Variants in LSAMP observed in about 807,000 individuals in gnomAD.
LSAMP encodes the protein limbic system-associated membrane protein.
LSAMP carries 7 observed loss-of-function variants against 38.6 expected under a neutral mutation model. That is an observed-to-expected ratio of 0.18 (90% CI 0.10 to 0.34). The LOEUF (loss-of-function observed/expected upper bound fraction) is 0.34. Ranked by LOEUF, LSAMP falls within the 10% of genes least tolerant of loss-of-function variation. LSAMP has a pLI of 1.00. For synonymous variants in LSAMP, 154 were observed against 166.8 expected, an observed-to-expected ratio of 0.92 and a Z score of 0.59; for missense variants, 313 against 420.0, an observed-to-expected ratio of 0.75 and a Z score of 2.23.
intron 3 of LSAMP, among the ~76,000 whole-genome samples, chr3:115,913,806 T>C (rs568550090): frequency 3.3e-5 from 5 of 152,254 alleles, no homozygotes; most frequent in Non-Finnish European, 7.4e-5. Flanking sequence ...GTCTTTTTCA[T>C]GCATGTGTCC....
At chr3:116,092,820 C>T (rs1411860388) in intron 1 of LSAMP, among the ~76,000 whole-genome samples, 1 of 152,120 alleles carries the variant, frequency 6.6e-6, no homozygotes, top group Non-Finnish European at 1.5e-5. Flanking sequence ...AGCATATGTA[C>T]TGACAAGATA....
intron 1 of LSAMP, among the ~76,000 whole-genome samples, chr3:116,169,659 G>T (rs1422008148): frequency 6.6e-6 from 1 of 152,124 alleles, no homozygotes; most frequent in African/African-American, 2.4e-5. Context: ...TAAAAATTAA[G>T]CTCATTTTAT....
intron 3 of LSAMP, among the ~76,000 whole-genome samples, chr3:115,906,765 T>A (rs1937017067): frequency 6.6e-6 from 1 of 152,182 alleles, no homozygotes; most frequent in Admixed American, 6.6e-5. Flanking sequence ...TGTTTCTTAT[T>A]TTTAAGACAT....
chr3:116,098,883 C>T (rs1187655813), intron 1 of LSAMP, among the ~76,000 whole-genome samples: 1 of 152,190 alleles, frequency 6.6e-6, no homozygotes, highest in Non-Finnish European at 1.5e-5. Flanking sequence ...AAAGCAAGAG[C>T]TGATGAGTTT....
intron 1 of LSAMP, among the ~76,000 whole-genome samples, chr3:116,403,641 G>C (rs1481554603): frequency 6.6e-6 from 1 of 151,940 alleles, no homozygotes; most frequent in Non-Finnish European, 1.5e-5. Flanking sequence ...AATACATATG[G>C]GTTTATTATT....
At chr3:116,035,036 G>C (rs969593350) in intron 2 of LSAMP, among the ~76,000 whole-genome samples, 2 of 152,142 alleles carry the variant, frequency 1.3e-5, no homozygotes, top group Non-Finnish European at 2.9e-5. Context: ...TCAGCTATAA[G>C]CCAGCTGGTG....
rs759022817 is a variant in LSAMP, at chr3:116,086,428, C to T, written c.284G>A (p.Ser95Asn). Residue 95 changes from serine (S) to asparagine (N), a missense_variant, in exon 2 of 7, where the codon AGC (serine) becomes AAC (asparagine). Coordinates refer to ENST00000490035, the MANE Select transcript of LSAMP (RefSeq NM_002338.5). ...ELEKRHSLEYSLRIQKVDVYD... is the reference protein window; with the variant it reads ...ELEKRHSLEYNLRIQKVDVYD... ...GACATCCACCTTCTGGATTCGGAGG[C>T]TGTATTCCAGAGAATGGCGTTTCTC... The T allele has an allele frequency of 7.4e-6, 12 of 1,614,072 alleles. No homozygotes were observed. The highest frequency in any genetic ancestry group is 1.7e-5 in the Admixed American group (1 of 60,018).
chr3:116,170,390 C>G (rs550547562), intron 1 of LSAMP, among the ~76,000 whole-genome samples: 1 of 152,168 alleles, frequency 6.6e-6, no homozygotes, highest in East Asian at 1.9e-4. Flanking sequence ...AATTTAACAA[C>G]TGAAAACATC....
chr3:116,249,289 AT>A (rs1248596914), intron 1 of LSAMP, among the ~76,000 whole-genome samples: 1 of 151,916 alleles, frequency 6.6e-6, no homozygotes, highest in African/African-American at 2.4e-5. Context: ...TTTATCTGAT[AT>A]TTTTTTCCAC....
chr3:115,850,526 G>T (rs940111928), intron 4 of LSAMP, among the ~76,000 whole-genome samples: 14 of 152,086 alleles, frequency 9.2e-5, no homozygotes, highest in Non-Finnish European at 1.8e-4. Flanking sequence ...GTGACAAAAA[G>T]GTCCTAAAGC....
At chr3:116,313,646 T>C (rs1410160670) in intron 1 of LSAMP, among the ~76,000 whole-genome samples, 1 of 152,182 alleles carries the variant, frequency 6.6e-6, no homozygotes, top group Non-Finnish European at 1.5e-5. Context: ...AAAGAAAAAC[T>C]AGCATTTATT....
chr3:116,037,888 G>C (rs1254401215), intron 2 of LSAMP, among the ~76,000 whole-genome samples: 1 of 152,026 alleles, frequency 6.6e-6, no homozygotes, highest in Non-Finnish European at 1.5e-5. Flanking sequence ...ATTCTGTTTA[G>C]ATGAGCATTT....
At chr3:115,866,992 G>A (rs1188729673) in intron 3 of LSAMP, among the ~76,000 whole-genome samples, 1 of 152,002 alleles carries the variant, frequency 6.6e-6, no homozygotes. Flanking sequence ...AAAAAGACTG[G>A]AATGAAAGAA....
In LSAMP at chr3:115,984,647, G is replaced by T. The variant is rs1305363939; in HGVS notation, c.514+34868C>A. The stretch of plus-strand genomic sequence containing the variant: ...TAGCAGTACCTAGTATTAATATTAA[G>T]AATCCAGTTAGAAAGTAAGATTGAT... On this transcript the variant is annotated intron_variant, in intron 3 of 6. Transcript: ENST00000490035. Among the ~76,000 whole-genome samples the T allele has an allele frequency of 2.0e-5, 3 of 152,150 alleles. No homozygotes were observed. In the East Asian group the frequency reaches 5.8e-4, roughly 29 times the overall value.
intron 1 of LSAMP, among the ~76,000 whole-genome samples, chr3:116,414,767 A>C (rs932924864): frequency 6.6e-6 from 1 of 152,146 alleles, no homozygotes; most frequent in Admixed American, 6.5e-5. Context: ...TTGCATCTGC[A>C]CTGCCATTTA....
rs139731856 is a variant in LSAMP, at chr3:116,005,248, G to T, written c.514+14267C>A. 6.6e-3 allele frequency among the ~76,000 whole-genome samples: 1,006 copies of T among 152,158 alleles called. 5 individuals carry two copies. The highest frequency in any genetic ancestry group is 0.022 in the African/African-American group (918 of 41,506). On this transcript the variant is annotated intron_variant, in intron 3 of 6. Transcript: ENST00000490035. ...TTGAGAATCTCTTCAAACCCAGAAA[G>T]GTACCACCTCAGGCAACTGAGATCA...
intron 3 of LSAMP, among the ~76,000 whole-genome samples, chr3:115,987,144 A>T (rs188681543): frequency 1.3e-5 from 2 of 152,276 alleles, no homozygotes; most frequent in Admixed American, 1.3e-4. Flanking sequence ...CAGAAAAAAA[A>T]TGTTTTGTAT....
intron 2 of LSAMP, among the ~76,000 whole-genome samples, chr3:116,039,590 C>T (rs1009474077): frequency 6.6e-6 from 1 of 152,176 alleles, no homozygotes; most frequent in African/African-American, 2.4e-5. Context: ...AGAGCTGTTG[C>T]TCCTTAGAAC....
intron 1 of LSAMP, among the ~76,000 whole-genome samples, chr3:116,124,665 G>T (rs1708964259): frequency 6.6e-6 from 1 of 152,074 alleles, no homozygotes; most frequent in Admixed American, 6.6e-5. Context: ...CAAAAATATG[G>T]AGAAGAATAA....
Sources: allele counts gnomAD v4.1 joint callset (sites outside exome capture counted in the v4.1 genomes callset), GRCh38; gene constraint gnomAD v4.1.1; transcripts MANE v1.5; gene names NCBI Gene and HGNC (gene_info 2026-07-23, HGNC 2026-07-21).